KCNA2: variants seen among roughly 807,000 people sequenced by gnomAD.
KCNA2 encodes potassium channel, voltage gated shaker related subfamily A, member 2.
In KCNA2, 11 loss-of-function variants were observed where a neutral mutation model predicts 33.4. The observed-to-expected ratio is 0.33, with a 90% confidence interval of 0.21 to 0.55. The LOEUF (loss-of-function observed/expected upper bound fraction) is 0.55. Among genes scored for constraint, KCNA2 ranks in the 20% least tolerant of loss-of-function variants. The pLI, the probability that KCNA2 is intolerant of heterozygous loss-of-function variation, is 0.93. For missense variants in KCNA2, 291 were observed against 621.6 expected (o/e 0.47, Z 5.66); for synonymous variants, 222 against 231.3 (o/e 0.96, Z 0.37).
chr1:110,618,098 T>G lies in KCNA2; in HGVS notation c.-495-12376A>C, dbSNP rs550591093. 2.6e-5 allele frequency among the ~76,000 whole-genome samples: 4 copies of G among 152,184 alleles called. No individual in the cohort carries two copies. In the South Asian group the frequency reaches 8.3e-4, roughly 32 times the overall value. On this transcript the variant is annotated intron_variant, in intron 1 of 4. Coordinates refer to the KCNA2 transcript ENST00000369770. Reference sequence around the variant, plus strand: ...GGCTCATGCCTGTAATCCCAGCATTTTGGGAGGCCAAAGCAGGAGGATTGC... The same window carrying G: ...GGCTCATGCCTGTAATCCCAGCATTGTGGGAGGCCAAAGCAGGAGGATTGC...
chr1:110,611,726 GAAAA>G (rs11378342), intron 1 of KCNA2, among the ~76,000 whole-genome samples: 1 of 137,466 alleles, frequency 7.3e-6, no homozygotes. Context: ...ATCCTGTCTT[GAAAA>G]AAAAAAAAAA....
At chr1:110,608,010 C>G (rs954061463), upstream of KCNA2, 12 of 152,548 alleles carry the variant, frequency 7.9e-5, no homozygotes, top group African/African-American at 2.9e-4. Context: ...CTGGCCCTCT[C>G]CACTCCCCGA....
Position 110,601,968 on chromosome 1 carries a change from G to C in KCNA2, c.*1315C>G. 2 of 1,521,750 alleles carry C rather than the reference G, an allele frequency of 1.3e-6. No homozygotes were observed. The highest frequency in any genetic ancestry group is 1.8e-6 in the Non-Finnish European group (2 of 1,130,012). 94.3% of individuals were successfully genotyped at this position (1,521,750 alleles called of 1,614,324 possible). A position where few individuals can be genotyped will look rare whatever the true frequency, so the allele number is the denominator to read the frequency against. Reference sequence around the variant, plus strand: ...GCAATTTCTTTTCTATCACTAGCTAGGTAGAGGAACGCGTGAAAGAGAGAT... The same window carrying C: ...GCAATTTCTTTTCTATCACTAGCTACGTAGAGGAACGCGTGAAAGAGAGAT... On this transcript the variant is annotated 3_prime_UTR_variant, in exon 3 of 3. Coordinates refer to ENST00000316361, the MANE Select transcript of KCNA2 (RefSeq NM_004974.4).
Position 110,602,528 on chromosome 1 carries a change from G to T in KCNA2, c.*755C>A. On this transcript the variant is annotated 3_prime_UTR_variant, in exon 3 of 3. Transcript: ENST00000316361. ...CCAGACATGTTTTTGTGACCCTGGA[G>T]CCTGCAAAAATGGTGAAATCAGAGG... 9.2e-7 allele frequency: 1 copy of T among 1,083,922 alleles called. No homozygotes were observed. Among genetic ancestry groups the T allele is most frequent in the Non-Finnish European group, 1.1e-6 (1 of 892,438 alleles). The allele number at this position is 1,083,922 out of a possible 1,614,324, so 67.1% of individuals were successfully genotyped here.
rs749777424 is a variant in KCNA2 at position 110,603,898 on chromosome 1, G to A, written c.885C>T (p.Val295=). ...QQAMSLAILR[V]IRLVRVFRIF... The stretch of plus-strand genomic sequence containing the variant: ...TCCTAAAGACTCTTACCAACCGGAT[G>A]ACACGGAGGATGGCCAGTGACATGG... The change falls in exon 3 of 3, where the codon GTC becomes GTT. Residue 295 remains valine (V), a synonymous_variant. Transcript: ENST00000316361. This position sits in a 1 kb window ranked among gnomAD's most constrained non-coding sequence, Gnocchi z 5.7. 9 of 1,614,130 alleles carry A rather than the reference G, an allele frequency of 5.6e-6. No individual in the cohort carries two copies. The highest frequency in any genetic ancestry group is 7.6e-6 in the Non-Finnish European group (9 of 1,180,046).
Position 110,601,602 on chromosome 1 carries a change from G to T in KCNA2, c.*1681C>A. The T allele has an allele frequency of 4.0e-6, 4 of 994,554 alleles. No homozygotes were observed. Among genetic ancestry groups the T allele is most frequent in the Non-Finnish European group, 4.8e-6 (4 of 836,064 alleles). The allele number at this position is 994,554 out of a possible 1,614,324, so 61.6% of individuals were successfully genotyped here. A position where few individuals can be genotyped will look rare whatever the true frequency, so the allele number is the denominator to read the frequency against. ...GGGAACTGAAGCTGCAGCACATGGA[G>T]GGCAGAAAGACAATTCTAACGTCTA... On this transcript the variant is annotated 3_prime_UTR_variant, in exon 3 of 3. Transcript: ENST00000316361.
In KCNA2 at chr1:110,594,194, T is replaced by C. The variant is rs1648988060; in HGVS notation, c.*9089A>G. On this transcript the variant is annotated 3_prime_UTR_variant, in exon 3 of 3. Transcript: ENST00000316361. ...CAGGACATGGGAGGGCAGCTGAAGA[T>C]TCATGCACAAGCAGCAAGGAAGCCA... 8.3e-7 allele frequency: 1 copy of C among 1,199,854 alleles called. No homozygotes were observed. Among genetic ancestry groups the C allele is most frequent in the East Asian group, 4.7e-5 (1 of 21,268 alleles). The allele number at this position is 1,199,854 out of a possible 1,614,324, so 74.3% of individuals were successfully genotyped here.
rs1570743202 is a variant in KCNA2 at position 110,594,135 on chromosome 1, T to A, written c.*9148A>T. The A allele has an allele frequency of 1.5e-6, 2 of 1,365,222 alleles. No homozygotes were observed. The highest frequency in any genetic ancestry group is 3.0e-5 in the African/African-American group (2 of 67,322). The allele number at this position is 1,365,222 out of a possible 1,614,324, so 84.6% of individuals were successfully genotyped here. A position where few individuals can be genotyped will look rare whatever the true frequency, so the allele number is the denominator to read the frequency against. ...TATTGATCCCAAGGAGGCTTATTTA[T>A]CTACCTCTTTGAGTTTTCAGCAATT... On this transcript the variant is annotated 3_prime_UTR_variant, in exon 3 of 3. Transcript: ENST00000316361.
At chr1:110,623,427 A>G (rs1474568967) in intron 1 of KCNA2, among the ~76,000 whole-genome samples, 3 of 152,240 alleles carry the variant, frequency 2.0e-5, no homozygotes, top group African/African-American at 7.2e-5. Flanking sequence ...ATATGACGCT[A>G]AAGAAGCATG....
At chr1:110,618,226 A>C (rs923879346) in intron 1 of KCNA2, among the ~76,000 whole-genome samples, 6 of 152,216 alleles carry the variant, frequency 3.9e-5, no homozygotes, top group African/African-American at 1.4e-4. Context: ...ACCCACCTGT[A>C]GTCTTAGCTA....
intron 1 of KCNA2, among the ~76,000 whole-genome samples, chr1:110,611,859 CA>C (rs1284039908): frequency 6.6e-6 from 1 of 151,858 alleles, no homozygotes; most frequent in Non-Finnish European, 1.5e-5. Context: ...TCCATCTCTA[CA>C]AAAAATACAA....
Position 110,604,417 on chromosome 1 carries a change from C to T in KCNA2, c.366G>A (p.Ala122=), listed in dbSNP as rs768027755. The T allele has an allele frequency of 1.1e-5, 18 of 1,614,170 alleles. No individual in the cohort carries two copies. The highest frequency in any genetic ancestry group is 4.4e-5 in the South Asian group (4 of 91,084). The part of the protein sequence containing the change: ...EIRFYELGEE[A]MEMFREDEGY... ...CTTCATCTTCCCGAAACATCTCCAT[C>T]GCTTCTTCTCCCAGCTCATAAAACC... The change falls in exon 3 of 3, where the codon GCG becomes GCA. Residue 122 remains alanine (A), a synonymous_variant. Coordinates refer to ENST00000316361, the MANE Select transcript of KCNA2 (RefSeq NM_004974.4). This position sits in a 1 kb window ranked among gnomAD's most constrained non-coding sequence, Gnocchi z 7.6.
rs1649222305 is a variant in KCNA2, at chr1:110,598,980, T to A, written c.*4303A>T. The A allele has an allele frequency of 2.0e-6, 2 of 985,336 alleles. No individual in the cohort carries two copies. The highest frequency in any genetic ancestry group is 2.4e-6 in the Non-Finnish European group (2 of 829,950). The allele number at this position is 985,336 out of a possible 1,614,324, so 61.0% of individuals were successfully genotyped here. On this transcript the variant is annotated 3_prime_UTR_variant, in exon 3 of 3. Transcript: ENST00000316361. ...TTGAAAATGAATCCACAGAGGCACT[T>A]GATGAAGCCAACAGGAATGGTACCT...
rs1265041654 is a variant in KCNA2, at chr1:110,601,147, T to G, written c.*2136A>C. ...GTGGGAAATGATTCTTTACCCATCC[T>G]TTGGTTCTTTTTAAAAAGCAGCTCT... On this transcript the variant is annotated 3_prime_UTR_variant, in exon 3 of 3. Coordinates refer to ENST00000316361, the MANE Select transcript of KCNA2 (RefSeq NM_004974.4). The G allele has an allele frequency of 5.1e-6, 5 of 985,364 alleles. No homozygotes were observed. The African/African-American group carries it at 8.7e-5, about 17-fold the overall frequency. The allele number at this position is 985,364 out of a possible 1,614,324, so 61.0% of individuals were successfully genotyped here.
At position 110,598,360 on chromosome 1, in the gene KCNA2, T is replaced by C; in HGVS notation, c.*4923A>G. ...CATAGGGGTAGTGGTGCCACCTTCA[T>C]ATGCAATTTGCACACTGTTCTATAG... is the stretch of plus-strand genomic sequence containing the variant. On this transcript the variant is annotated 3_prime_UTR_variant, in exon 3 of 3. Transcript: ENST00000316361. The C allele has an allele frequency of 1.0e-6, 1 of 984,456 alleles. No individual in the cohort carries two copies. Among genetic ancestry groups the C allele is most frequent in the Non-Finnish European group, 1.2e-6 (1 of 829,114 alleles). 61.0% of individuals were successfully genotyped at this position (984,456 alleles called of 1,614,324 possible).
Position 110,598,392 on chromosome 1 carries a change from TA to T in KCNA2, c.*4890del, listed in dbSNP as rs1183725701. On this transcript the variant is annotated 3_prime_UTR_variant, in exon 3 of 3. Coordinates refer to ENST00000316361, the MANE Select transcript of KCNA2 (RefSeq NM_004974.4). ...TTTGCACACTGTTCTATAGTTTCCTTAGGGGGGAGTCAGCCTCTGTGACTCT... is the reference window on the plus strand; with the variant it reads ...TTTGCACACTGTTCTATAGTTTCCTTGGGGGGAGTCAGCCTCTGTGACTCT... 2 of 985,182 alleles carry T rather than the reference TA, an allele frequency of 2.0e-6. No individual in the cohort carries two copies. The highest frequency in any genetic ancestry group is 3.5e-5 in the African/African-American group (2 of 57,202). 61.0% of individuals were successfully genotyped at this position (985,182 alleles called of 1,614,324 possible).
intron 1 of KCNA2, 94 bp from the exon 2 acceptor site, chr1:110,605,816 A>G (rs1234307274): frequency 1.3e-5 from 2 of 152,278 alleles, no homozygotes; most frequent in Admixed American, 6.5e-5. Flanking sequence ...ATGGGAGGTA[A>G]CAGGCCCCCA....
At chr1:110,606,792 G>A (rs1260254018), upstream of KCNA2, 5 of 152,438 alleles carry the variant, frequency 3.3e-5, no homozygotes, top group Middle Eastern at 0.01. Flanking sequence ...TTAAGCGCGG[G>A]GGCTCGGCGG....
Position 110,606,309 on chromosome 1 carries a change from T to A in KCNA2, c.-577A>T, listed in dbSNP as rs376652188. On this transcript the variant is annotated 5_prime_UTR_variant, in exon 1 of 3. Coordinates refer to ENST00000316361, the MANE Select transcript of KCNA2 (RefSeq NM_004974.4). Reference sequence around the variant, plus strand: ...CTGGGCAGGCGCTCGACCACTGATTTCTCCCCCAAGAGAAAATCCCTCACA... The same window carrying A: ...CTGGGCAGGCGCTCGACCACTGATTACTCCCCCAAGAGAAAATCCCTCACA... 9.2e-5 allele frequency: 14 copies of A among 152,214 alleles called. No individual in the cohort carries two copies. Among genetic ancestry groups the A allele is most frequent in the African/African-American group, 3.4e-4 (14 of 41,524 alleles). The allele number at this position is 152,214 out of a possible 1,614,324, so 9.4% of individuals were successfully genotyped here. A position where few individuals can be genotyped will look rare whatever the true frequency, so the allele number is the denominator to read the frequency against.
Sources: allele counts gnomAD v4.1 joint callset (sites outside exome capture counted in the v4.1 genomes callset), GRCh38; gene constraint gnomAD v4.1.1; non-coding constraint Gnocchi (gnomAD v3.1); transcripts MANE v1.5; gene names NCBI Gene and HGNC (gene_info 2026-07-23, HGNC 2026-07-21).